Variants in RPTOR observed in about 807,000 individuals in gnomAD.
RPTOR encodes the protein regulatory associated protein of MTOR complex 1, also known as regulatory-associated protein of mTOR.
Under a neutral mutation model 169.9 loss-of-function variants are expected in RPTOR, and 21 were observed. The observed-to-expected ratio is 0.12, with a 90% CI of 0.09 to 0.18. The LOEUF is 0.18. Ranked by LOEUF, RPTOR falls within the 10% of genes least tolerant of loss-of-function variation. The pLI, the probability that RPTOR is intolerant of heterozygous loss-of-function variation, is 1.00. For synonymous variants in RPTOR, 732 were observed against 753.2 expected (o/e 0.97, Z 0.46); for missense variants, 1,133 against 1,855.9 (o/e 0.61, Z 7.16).
intron 6 of RPTOR, among the ~76,000 whole-genome samples, chr17:80,783,463 A>G (rs1163288820): frequency 6.6e-6 from 1 of 152,204 alleles, no homozygotes; most frequent in African/African-American, 2.4e-5. Flanking sequence ...TTACCACCCA[A>G]ATACTTAATC....
chr17:80,564,740 C>T (rs1377193735), intron 1 of RPTOR, among the ~76,000 whole-genome samples: 2 of 151,938 alleles, frequency 1.3e-5, no homozygotes, highest in Non-Finnish European at 1.5e-5. Context: ...GATCCTCTCC[C>T]TCCTCCCACC....
At chr17:80,798,524 C>T (rs530271333) in intron 7 of RPTOR, among the ~76,000 whole-genome samples, 20 of 152,078 alleles carry the variant, frequency 1.3e-4, no homozygotes, top group Non-Finnish European at 1.8e-4. Context: ...TCCCAGACTC[C>T]GGGGCTGACA....
chr17:80,894,242 G>A (rs927720490), intron 20 of RPTOR, among the ~76,000 whole-genome samples: 4 of 152,166 alleles, frequency 2.6e-5, no homozygotes, highest in Non-Finnish European at 4.4e-5. Context: ...TGCCCCCCAC[G>A]AGCAACTGGG....
At chr17:80,752,742 C>T (rs2066642261) in intron 5 of RPTOR, among the ~76,000 whole-genome samples, 1 of 152,144 alleles carries the variant, frequency 6.6e-6, no homozygotes, top group African/African-American at 2.4e-5. Context: ...AACAGGAACC[C>T]ACCTGGTATC....
intron 1 of RPTOR, among the ~76,000 whole-genome samples, chr17:80,583,950 C>T (rs1439032883): frequency 2.6e-5 from 4 of 152,172 alleles, no homozygotes; most frequent in Non-Finnish European, 4.4e-5. Flanking sequence ...GCAGTGGTCA[C>T]CCTCTGCCTC....
At chr17:80,835,367 A>T (rs2067552390) in intron 9 of RPTOR, among the ~76,000 whole-genome samples, 1 of 152,230 alleles carries the variant, frequency 6.6e-6, no homozygotes, top group African/African-American at 2.4e-5. Context: ...CCTAAAAAAT[A>T]ACACAGAGTC....
intron 2 of RPTOR, among the ~76,000 whole-genome samples, chr17:80,636,385 C>G (rs1261054447): frequency 6.6e-6 from 1 of 152,160 alleles, no homozygotes; most frequent in Non-Finnish European, 1.5e-5. Context: ...ATACCCGAGA[C>G]TGGGTAATTT....
chr17:80,815,067 G>A (rs1369545379), intron 7 of RPTOR, among the ~76,000 whole-genome samples: 1 of 152,224 alleles, frequency 6.6e-6, no homozygotes, highest in Non-Finnish European at 1.5e-5. Context: ...AGAAAGATGG[G>A]GAGGAACAGA....
At chr17:80,894,412 T>C (rs1391639537) in intron 20 of RPTOR, among the ~76,000 whole-genome samples, 2 of 152,172 alleles carry the variant, frequency 1.3e-5, no homozygotes, top group Non-Finnish European at 2.9e-5. Context: ...CTGCGGAATC[T>C]CCACACAACT....
chr17:80,794,717 G>A (rs1008882139), intron 7 of RPTOR, among the ~76,000 whole-genome samples: 7 of 152,228 alleles, frequency 4.6e-5, no homozygotes, highest in Non-Finnish European at 1.0e-4. Context: ...ATGGAATTCT[G>A]CTCAACAGGA....
chr17:80,638,235 G>A (rs149333330), intron 2 of RPTOR, among the ~76,000 whole-genome samples: 110 of 152,282 alleles, frequency 7.2e-4, no homozygotes, highest in African/African-American at 2.4e-3. Flanking sequence ...TCTGAGGTCC[G>A]AGGGGCTGGG....
chr17:80,789,731 C>T (rs1353609112), intron 6 of RPTOR, among the ~76,000 whole-genome samples: 1 of 152,214 alleles, frequency 6.6e-6, no homozygotes, highest in Non-Finnish European at 1.5e-5. Flanking sequence ...TTGGGAAAAG[C>T]CAGATGAAAG....
intron 18 of RPTOR, among the ~76,000 whole-genome samples, chr17:80,892,484 C>G (rs538437178): frequency 9.1e-4 from 138 of 152,386 alleles, no homozygotes; most frequent in Middle Eastern, 6.8e-3. Context: ...CCACCAGCCT[C>G]TCCCCTGTTG....
intron 20 of RPTOR, among the ~76,000 whole-genome samples, chr17:80,908,495 G>A (rs1294917302): frequency 1.3e-5 from 2 of 152,220 alleles, no homozygotes; most frequent in African/African-American, 2.4e-5. Context: ...GACATCAGAC[G>A]CTCCTCCGGG....
chr17:80,886,632 G>A (rs567279128), intron 17 of RPTOR, among the ~76,000 whole-genome samples: 2 of 152,260 alleles, frequency 1.3e-5, no homozygotes, highest in African/African-American at 2.4e-5. Flanking sequence ...GAGCCATCCC[G>A]TGGCCGGGCT....
At chr17:80,713,163 G>A (rs1381352749) in intron 4 of RPTOR, among the ~76,000 whole-genome samples, 2 of 152,062 alleles carry the variant, frequency 1.3e-5, no homozygotes, top group African/African-American at 4.8e-5. Flanking sequence ...CTGCCTCCTG[G>A]GTTCAAGTGA....
At chr17:80,833,118 G>A (rs923724412) in intron 9 of RPTOR, among the ~76,000 whole-genome samples, 12 of 146,040 alleles carry the variant, frequency 8.2e-5, no homozygotes, top group Admixed American at 5.5e-4. Context: ...GGGCGGGCGC[G>A]CTCTGACTGA....
chr17:80,672,514 G>A (rs775060509), intron 3 of RPTOR, among the ~76,000 whole-genome samples: 5 of 152,116 alleles, frequency 3.3e-5, no homozygotes, highest in East Asian at 1.9e-4. Flanking sequence ...TCAGCCAGGC[G>A]CGGTGGCTCA....
intron 2 of RPTOR, among the ~76,000 whole-genome samples, chr17:80,631,990 T>TA (rs2065445881): frequency 6.6e-6 from 1 of 152,166 alleles, no homozygotes; most frequent in Non-Finnish European, 1.5e-5. Context: ...GAATTGGAAA[T>TA]AAATGTTGTT....
Sources: gnomAD v4.1 joint callset for allele counts (sites outside exome capture counted in the v4.1 genomes callset) on GRCh38, gnomAD v4.1.1 for gene constraint, MANE v1.5 for transcripts, NCBI Gene and HGNC (gene_info 2026-07-23, HGNC 2026-07-21) for gene names.